The following TPRG1 variants were observed in gnomAD, a reference collection of about 807,000 sequenced individuals.
The protein encoded by TPRG1 is tumor protein p63 regulated 1, also known as tumor protein p63-regulated gene 1 protein.
Under a neutral mutation model 29.3 loss-of-function variants are expected in TPRG1, and 29 were observed. The ratio of observed to expected loss-of-function variants is 0.99; its 90% CI spans 0.74 to 1.35. The LOEUF (loss-of-function observed/expected upper bound fraction) is 1.35. Ranked by LOEUF, TPRG1 falls within the 40% of genes most tolerant of loss-of-function variation. The probability of loss-of-function intolerance (pLI) is 0.00; values close to 1 mark genes in which losing one functional copy is unlikely to be tolerated. For synonymous variants in TPRG1, 130 were observed against 116.8 expected (o/e 1.11, Z -0.73); for missense variants, 327 against 335.0 (o/e 0.98, Z 0.19).
At chr3:189,227,356 C>G (rs972284471) in intron 3 of TPRG1, among the ~76,000 whole-genome samples, 1 of 152,102 alleles carries the variant, frequency 6.6e-6, no homozygotes, top group Non-Finnish European at 1.5e-5. Context: ...ACCAGAGTTC[C>G]TGGAGGGGGA....
intron 4 of TPRG1, among the ~76,000 whole-genome samples, chr3:189,047,011 G>A (rs1715021603): frequency 6.6e-6 from 1 of 152,168 alleles, no homozygotes; most frequent in South Asian, 2.1e-4. Flanking sequence ...TTAAGGCAAT[G>A]AAGTATCCTG....
At chr3:189,187,134 G>A (rs948643950) in intron 1 of TPRG1, among the ~76,000 whole-genome samples, 1 of 151,236 alleles carries the variant, frequency 6.6e-6, no homozygotes, top group East Asian at 2.0e-4. Context: ...TCACAGATTC[G>A]CACCACCACA....
intron 1 of TPRG1, among the ~76,000 whole-genome samples, chr3:189,190,629 C>G (rs1731551582): frequency 6.6e-6 from 1 of 152,174 alleles, no homozygotes; most frequent in Non-Finnish European, 1.5e-5. Flanking sequence ...GATGCAGGAT[C>G]AAGATACTTC....
chr3:189,303,036 T>C (rs776640305), intron 4 of TPRG1, among the ~76,000 whole-genome samples: 3 of 152,182 alleles, frequency 2.0e-5, no homozygotes, highest in Non-Finnish European at 4.4e-5. Context: ...GTCTGACTCT[T>C]CATATACAAC....
chr3:189,085,753 T>A (rs1360473192), intron 4 of TPRG1, among the ~76,000 whole-genome samples: 2 of 152,140 alleles, frequency 1.3e-5, no homozygotes, highest in African/African-American at 2.4e-5. Flanking sequence ...TGATCCATAA[T>A]GAAAAGTTCA....
chr3:189,219,675 G>T (rs1418443418), intron 3 of TPRG1: 1 of 1,282,592 alleles, frequency 7.8e-7, no homozygotes. Flanking sequence ...ATGTACTTGA[G>T]GTGTCTTTGT....
In TPRG1 at chr3:189,219,727, C is replaced by T. The variant is rs534168912; in HGVS notation, c.302+4344C>T. 490 of 1,234,064 alleles carry T rather than the reference C, an allele frequency of 4.0e-4. 3 individuals are homozygous for T. The South Asian group carries it at 6.4e-3, about 16-fold the overall frequency. 76.4% of individuals were successfully genotyped at this position (1,234,064 alleles called of 1,614,324 possible). On this transcript the variant is annotated intron_variant, in intron 3 of 5. Coordinates refer to ENST00000345063, the MANE Select transcript of TPRG1 (RefSeq NM_198485.4). ...GACAGGAGGAGACAGCATCTTCCCT[C>T]CACACACGTTAGTGTGAAGTGGTGG...
chr3:189,103,504 A>C (rs1324346688), intron 1 of TPRG1, among the ~76,000 whole-genome samples: 1 of 152,170 alleles, frequency 6.6e-6, no homozygotes, highest in Non-Finnish European at 1.5e-5. Flanking sequence ...CCTTCCCTAC[A>C]CCACGGACAA....
At chr3:189,105,410 T>A (rs1560449155) in intron 1 of TPRG1, among the ~76,000 whole-genome samples, 1 of 152,092 alleles carries the variant, frequency 6.6e-6, no homozygotes, top group Non-Finnish European at 1.5e-5. Context: ...TTCTCCACCC[T>A]ACCATATTAG....
rs1189324907 is a variant in TPRG1, at chr3:189,312,355, A to C, written c.633+1816A>C. On this transcript the variant is annotated intron_variant, in intron 5 of 5. Transcript: ENST00000345063. ...TAGCTGGGACTACAGGCGCCCGAAA[A>C]CATCTGTTAATCCAAGATAAAGAGC... 2.0e-5 allele frequency among the ~76,000 whole-genome samples: 3 copies of C among 151,664 alleles called. No homozygotes were observed. In the East Asian group the frequency reaches 5.8e-4, roughly 29 times the overall value.
At chr3:189,116,478 G>A (rs191369436) in intron 1 of TPRG1, among the ~76,000 whole-genome samples, 127 of 152,230 alleles carry the variant, frequency 8.3e-4, no homozygotes, top group African/African-American at 1.6e-3. Context: ...CGCCCAGCTC[G>A]AAGAGATATT....
chr3:189,218,370 C>T (rs149433982), intron 3 of TPRG1, among the ~76,000 whole-genome samples: 5,501 of 152,232 alleles, frequency 0.036, 336 homozygotes, highest in African/African-American at 0.13. Context: ...CCTGCCTCGG[C>T]CTCCCAAAGT....
chr3:189,018,471 C>T (rs977211038), intron 3 of TPRG1, among the ~76,000 whole-genome samples: 2 of 131,458 alleles, frequency 1.5e-5, no homozygotes, highest in African/African-American at 5.5e-5. Flanking sequence ...TTCCCAGCAC[C>T]ATTTATTAAA....
chr3:189,204,048 A>C (rs1560547008), intron 1 of TPRG1, among the ~76,000 whole-genome samples: 1 of 108,870 alleles, frequency 9.2e-6, no homozygotes, highest in Non-Finnish European at 2.1e-5. Flanking sequence ...AAAAAAAAAA[A>C]AAAAAAAAAA....
chr3:189,256,708 A>G (rs1711962463), intron 4 of TPRG1, among the ~76,000 whole-genome samples: 1 of 152,154 alleles, frequency 6.6e-6, no homozygotes, highest in Non-Finnish European at 1.5e-5. Flanking sequence ...GTGCATATAT[A>G]TTTAGGATAG....
chr3:189,007,823 C>A (rs1712373952), intron 3 of TPRG1, among the ~76,000 whole-genome samples: 1 of 139,546 alleles, frequency 7.2e-6, no homozygotes, highest in Admixed American at 7.3e-5. Flanking sequence ...CGCATATTCT[C>A]ACTCATAGGT....
At chr3:189,010,998 C>T (rs955723675) in intron 3 of TPRG1, among the ~76,000 whole-genome samples, 2 of 152,162 alleles carry the variant, frequency 1.3e-5, no homozygotes, top group African/African-American at 4.8e-5. Flanking sequence ...CCAGTTCTCC[C>T]AGCACCATTT....
chr3:189,009,091 A>C (rs1328931856), intron 3 of TPRG1, among the ~76,000 whole-genome samples: 1 of 152,134 alleles, frequency 6.6e-6, no homozygotes, highest in Admixed American at 6.6e-5. Context: ...CCCAGCACAG[A>C]GTAGGCCTAC....
At chr3:189,072,363 A>G (rs935187659) in intron 4 of TPRG1, among the ~76,000 whole-genome samples, 1 of 152,166 alleles carries the variant, frequency 6.6e-6, no homozygotes, top group African/African-American at 2.4e-5. Flanking sequence ...TTTAATTAGG[A>G]ACCATATTCA....
Sources: gnomAD v4.1 joint callset for allele counts (sites outside exome capture counted in the v4.1 genomes callset) on GRCh38, gnomAD v4.1.1 for gene constraint, MANE v1.5 for transcripts, NCBI Gene and HGNC (gene_info 2026-07-23, HGNC 2026-07-21) for gene names.